Variants in SEC14L1 observed in about 807,000 individuals in gnomAD.
The protein encoded by SEC14L1 is SEC14-like protein 1.
Under a neutral mutation model 85.3 loss-of-function variants are expected in SEC14L1, and 48 were observed. The observed-to-expected ratio is 0.56, with a 90% CI of 0.45 to 0.72. The LOEUF (loss-of-function observed/expected upper bound fraction) is 0.72. Among genes scored for constraint, SEC14L1 ranks in the 30% least tolerant of loss-of-function variants. The pLI, the probability that SEC14L1 is intolerant of heterozygous loss-of-function variation, is 0.00. For missense variants in SEC14L1, 682 were observed against 921.4 expected (o/e 0.74, Z 3.36); for synonymous variants, 391 against 355.5 (o/e 1.10, Z -1.12).
rs894335256 is a variant in SEC14L1, at chr17:77,126,473, G to T, written c.-135-16173G>T. Reference sequence around the variant, plus strand: ...ACTGGCTCCTAAGTTCTGAATGATCGGTAGGGGTTAAACACGCAGAACTCT... The same window carrying T: ...ACTGGCTCCTAAGTTCTGAATGATCTGTAGGGGTTAAACACGCAGAACTCT... On this transcript the variant is annotated intron_variant, in intron 3 of 19. Coordinates refer to the SEC14L1 transcript ENST00000392476. 8.5e-5 allele frequency among the ~76,000 whole-genome samples: 13 copies of T among 152,214 alleles called. 1 individual carries two copies. The highest frequency in any genetic ancestry group is 2.7e-4 in the African/African-American group (11 of 41,460).
At position 77,170,329 on chromosome 17, in the gene SEC14L1, G is replaced by A. The variant is rs78037628; in HGVS notation, c.64-20474G>A. Among the ~76,000 whole-genome samples the A allele has an allele frequency of 8.8e-3, 1,336 of 152,226 alleles. 9 individuals carry two copies. The highest frequency in any genetic ancestry group is 0.015 in the Non-Finnish European group (1,022 of 68,002). On this transcript the variant is annotated intron_variant, in intron 3 of 16. Transcript: ENST00000436233. ...TGACTTGGGTGTGATGAGTGCAACC[G>A]TTTTTGGTGGTCCTGACTGCCGTTT...
rs1390705870 is a variant in SEC14L1 at position 77,215,978 on chromosome 17, TTAGTAGGTAGGGC to T, written c.*1968_*1980del. ...GGTTAGGTAGGGTTCGTAGGTAGGG[TTAGTAGGTAGGGC>T]TAGTAGGTAGGGTTCGTAGGTAGGG... On this transcript the variant is annotated 3_prime_UTR_variant, in exon 17 of 17. Transcript: ENST00000436233. The T allele has an allele frequency of 5.1e-5, 31 of 609,324 alleles. 1 individual carries two copies. The highest frequency in any genetic ancestry group is 4.4e-5 in the Non-Finnish European group (23 of 522,774). The allele number at this position is 609,324 out of a possible 1,614,324, so 37.7% of individuals were successfully genotyped here. A position where few individuals can be genotyped will look rare whatever the true frequency, so the allele number is the denominator to read the frequency against.
intron 2 of SEC14L1, among the ~76,000 whole-genome samples, chr17:77,090,685 G>A (rs1414418812): frequency 6.6e-6 from 1 of 151,064 alleles, no homozygotes; most frequent in African/African-American, 2.4e-5. Flanking sequence ...AGAATGGTGG[G>A]AAATGAAGCT....
In SEC14L1 at chr17:77,214,908, G is replaced by A; in HGVS notation, c.*885G>A. 1 of 985,412 alleles carries A rather than the reference G, an allele frequency of 1.0e-6. No individual in the cohort carries two copies. The allele number at this position is 985,412 out of a possible 1,614,324, so 61.0% of individuals were successfully genotyped here. ...AGAGCCCAGACAGTTCCAGCCACTA[G>A]GAGGCCGTCTTGGAACCAGCAAGTC... On this transcript the variant is annotated 3_prime_UTR_variant, in exon 17 of 17. Coordinates refer to ENST00000436233, the MANE Select transcript of SEC14L1 (RefSeq NM_001143998.2).
chr17:77,123,722 C>A (rs879605807), intron 3 of SEC14L1, among the ~76,000 whole-genome samples: 6 of 152,048 alleles, frequency 3.9e-5, no homozygotes, highest in Non-Finnish European at 8.8e-5. Flanking sequence ...CACCCAGGCC[C>A]ACTCTTAAGT....
chr17:77,159,382 CT>C (rs763082986), intron 3 of SEC14L1, among the ~76,000 whole-genome samples: 1,735 of 118,168 alleles, frequency 0.015, 35 homozygotes, highest in African/African-American at 0.047. Flanking sequence ...TCTTCTTCTT[CT>C]TTTTTTTTTT....
chr17:77,103,442 T>G (rs11871174), intron 3 of SEC14L1, among the ~76,000 whole-genome samples: 7,362 of 150,776 alleles, frequency 0.049, 307 homozygotes, highest in African/African-American at 0.11. Flanking sequence ...TTGTTTTTTT[T>G]TTGTTGTTGT....
At chr17:77,090,321 C>G (rs1031319096) in intron 2 of SEC14L1, among the ~76,000 whole-genome samples, 1 of 150,710 alleles carries the variant, frequency 6.6e-6, no homozygotes, top group Non-Finnish European at 1.5e-5. Context: ...TAATTCAAGC[C>G]AAAGTGAGTG....
intron 3 of SEC14L1, among the ~76,000 whole-genome samples, chr17:77,172,636 T>C (rs766506458): frequency 1.3e-5 from 2 of 152,206 alleles, no homozygotes; most frequent in African/African-American, 2.4e-5. Flanking sequence ...TAACGTGTTT[T>C]GTGATGTCTG....
chr17:77,212,161 T>C lies in SEC14L1; in HGVS notation c.1823T>C (p.Val608Ala), dbSNP rs756610867. 12 of 1,613,924 alleles carry C rather than the reference T, an allele frequency of 7.4e-6. No homozygotes were observed. Among genetic ancestry groups the C allele is most frequent in the African/African-American group, 1.3e-5 (1 of 74,918 alleles). ...VWQLGRDYSM[V>A]ESPLICKEGE... is the part of the protein sequence containing the mutation. ...CAGCTGGGCCGCGACTACAGCATGG[T>C]GGAGTCGCCTCTGATCTGCAAAGAA... The change falls in exon 15 of 17, where the codon GTG becomes GCG. Residue 608 changes from valine to alanine, a missense_variant. Val to Ala is a moderately conservative substitution (Grantham distance 64). Coordinates refer to ENST00000436233, the MANE Select transcript of SEC14L1 (RefSeq NM_001143998.2).
chr17:77,141,359 G>A (rs1313679828), intron 1 of SEC14L1: 1 of 56,650 alleles, frequency 1.8e-5, no homozygotes, highest in Non-Finnish European at 3.4e-5. Context: ...CCCCCACCTC[G>A]CCAGGCTTCC....
Position 77,193,459 on chromosome 17 carries a change from G to A in SEC14L1, c.384G>A (p.Gln128=). The A allele has an allele frequency of 6.2e-7, 1 of 1,612,618 alleles. No homozygotes were observed. The highest frequency in any genetic ancestry group is 8.5e-7 in the Non-Finnish European group (1 of 1,178,928). ...ATGAAGATTGGACCTGTTTTGAACA[G>A]TCTGCAAGTTTAGATATTAAATCTT... is the stretch of plus-strand genomic sequence containing the variant. The part of the protein sequence containing the change: ...PENEDWTCFE[Q]SASLDIKSFF... Residue 128 remains glutamine (Q), a synonymous_variant, in exon 6 of 17, where the codon CAG becomes CAA. Coordinates refer to ENST00000436233, the MANE Select transcript of SEC14L1 (RefSeq NM_001143998.2).
intron 3 of SEC14L1, among the ~76,000 whole-genome samples, chr17:77,170,080 G>C (rs1974460112): frequency 1.3e-5 from 2 of 152,162 alleles, no homozygotes; most frequent in Admixed American, 1.3e-4. Context: ...GAAGAGGCCA[G>C]CTGTCTTTGG....
rs539830502 is a variant in SEC14L1 at position 77,126,373 on chromosome 17, G to A, written c.-135-16273G>A. Among the ~76,000 whole-genome samples the A allele has an allele frequency of 4.6e-5, 7 of 152,348 alleles. No individual in the cohort carries two copies. The East Asian group carries it at 7.7e-4, about 17-fold the overall frequency. ...GTAGAAAATAGAGGGAACTGTGTTC[G>A]TTCTTCAAGGAAACTGTAACTGAAT... On this transcript the variant is annotated intron_variant, in intron 3 of 19. Coordinates refer to the SEC14L1 transcript ENST00000392476.
chr17:77,212,466 G>T (rs1365934090), intron 15 of SEC14L1, among the ~76,000 whole-genome samples: 4 of 152,134 alleles, frequency 2.6e-5, no homozygotes, highest in African/African-American at 9.7e-5. Flanking sequence ...GCACGCACGG[G>T]CCCAGCTGGG....
intron 10 of SEC14L1, among the ~76,000 whole-genome samples, chr17:77,204,725 G>C (rs1659796264): frequency 6.6e-6 from 1 of 151,878 alleles, no homozygotes; most frequent in Non-Finnish European, 1.5e-5. Flanking sequence ...CTCACTGTTG[G>C]CATTCCCTTG....
chr17:77,169,958 T>G (rs1416372530), intron 3 of SEC14L1, among the ~76,000 whole-genome samples: 1 of 152,168 alleles, frequency 6.6e-6, no homozygotes, highest in East Asian at 1.9e-4. Flanking sequence ...TGGTATAGAT[T>G]ACATCTCCCT....
intron 10 of SEC14L1, among the ~76,000 whole-genome samples, chr17:77,204,433 T>A (rs1170832533): frequency 1.3e-5 from 2 of 151,002 alleles, no homozygotes; most frequent in East Asian, 4.0e-4. Context: ...TTGGTCAGGC[T>A]GGTCTCGAAC....
chr17:77,213,571 C>A lies in SEC14L1; in HGVS notation c.2042+79C>A, dbSNP rs766775730. ...GGAGCCTGCAGTCCCACGCCGTGTG[C>A]AGGATCAGCAGTGGCGGCGGGTGTC... On this transcript the variant is annotated intron_variant, in intron 16 of 16. Transcript: ENST00000436233. This position sits in a 1 kb window ranked among gnomAD's most constrained non-coding sequence, Gnocchi z 7.1. The A allele has an allele frequency of 2.0e-6, 3 of 1,530,070 alleles. No homozygotes were observed. In the African/African-American group the frequency reaches 4.1e-5, roughly 21 times the overall value. The allele number at this position is 1,530,070 out of a possible 1,614,324, so 94.8% of individuals were successfully genotyped here. A position where few individuals can be genotyped will look rare whatever the true frequency, so the allele number is the denominator to read the frequency against.
Sources: allele counts gnomAD v4.1 joint callset (sites outside exome capture counted in the v4.1 genomes callset), GRCh38; gene constraint gnomAD v4.1.1; non-coding constraint Gnocchi (gnomAD v3.1); transcripts MANE v1.5; gene names NCBI Gene and HGNC (gene_info 2026-07-23, HGNC 2026-07-21).